MLST8: variants seen among roughly 807,000 people sequenced by gnomAD.
The protein encoded by MLST8 is target of rapamycin complex subunit LST8.
In MLST8, 20 loss-of-function variants were observed where a neutral mutation model predicts 41.3. The ratio of observed to expected loss-of-function variants is 0.48; its 90% CI spans 0.34 to 0.70. The LOEUF (loss-of-function observed/expected upper bound fraction) is 0.70, where lower values mean the gene tolerates loss of function less well. MLST8 is among the 30% of genes least tolerant of loss of function. The pLI is 0.01. For missense variants in MLST8, 422 were observed against 454.3 expected (o/e 0.93, Z 0.65); for synonymous variants, 243 against 183.0 (o/e 1.33, Z -2.65).
chr16:2,208,635 C>T (rs1567280755), intron 8 of MLST8, 22 bp downstream of exon 8: 2 of 1,611,796 alleles, frequency 1.2e-6, no homozygotes, highest in African/African-American at 2.7e-5. Context: ...CCTGGCCTCC[C>T]CCATCCCTGG....
intron 1 of MLST8, 38 bp from the exon 2 acceptor site, chr16:2,205,993 G>A: frequency 6.7e-7 from 1 of 1,503,584 alleles, no homozygotes; most frequent in Non-Finnish European, 8.9e-7. Context: ...ACTTAGCACA[G>A]AGAGTGTCTT....
At chr16:2,207,693 G>C in intron 6 of MLST8, 2 of 348,562 alleles carry the variant, frequency 5.7e-6, no homozygotes, top group South Asian at 6.9e-5. Flanking sequence ...CCCCTGACAC[G>C]TTCTCTCTTG....
intron 1 of MLST8, chr16:2,205,787 C>A (rs145402479): frequency 1.9e-6 from 2 of 1,067,812 alleles, no homozygotes; most frequent in African/African-American, 3.4e-5. Context: ...TGACTCCCCC[C>A]TGCCGGCTGC....
chr16:2,207,438 C>G, intron 6 of MLST8, 93 bp downstream of exon 6: 6 of 1,474,068 alleles, frequency 4.1e-6, no homozygotes, highest in Non-Finnish European at 1.8e-6. Flanking sequence ...CCCTTAGCGG[C>G]CCCCTCCTGC....
rs774795427 is a variant in MLST8 at position 2,206,507 on chromosome 16, C to T, written c.192C>T (p.His64=). The part of the protein sequence containing the change: ...RSMIAAAGYQ[H]IRMYDLNSNN... ...AGCCTGTGTCCCTAGGTTACCAGCA[C>T]ATCCGCATGTATGATCTCAACTCCA... The change falls in exon 4 of 9, where the codon CAC becomes CAT. Residue 64 remains histidine, a synonymous_variant. Coordinates refer to ENST00000569417, the MANE Select transcript of MLST8 (RefSeq NM_022372.6). 3 of 1,611,232 alleles carry T rather than the reference C, an allele frequency of 1.9e-6. No homozygotes were observed. Among genetic ancestry groups the T allele is most frequent in the South Asian group, 1.1e-5 (1 of 91,024 alleles).
chr16:2,208,959 C>T lies in MLST8; in HGVS notation c.*82C>T, dbSNP rs556320757. ...AGCACCCAGGTCAGAGCAGACCCTC[C>T]CCTGCCGGCCTGCGCCAGCTGGACC... On this transcript the variant is annotated 3_prime_UTR_variant, in exon 9 of 9. Coordinates refer to ENST00000569417, the MANE Select transcript of MLST8 (RefSeq NM_022372.6). The T allele has an allele frequency of 2.1e-5, 31 of 1,477,140 alleles. No homozygotes were observed. The South Asian group carries it at 2.5e-4, about 12-fold the overall frequency. 91.5% of individuals were successfully genotyped at this position (1,477,140 alleles called of 1,614,324 possible).
Position 2,208,516 on chromosome 16 carries a change from G to A in MLST8, c.765G>A (p.Met255Ile). ...GGAGGACGTCCAACTTCTCCCTGAT[G>A]ACGGAGCTGAGCATCAAGAGCGGCA... ...KIWRTSNFSLMTELSIKSGNP... is the reference protein window; with the variant it reads ...KIWRTSNFSLITELSIKSGNP... Residue 255 changes from methionine to isoleucine, a missense_variant, in exon 8 of 9, where the codon ATG becomes ATA. Met to Ile is a conservative substitution (Grantham distance 10, BLOSUM62 1). Coordinates refer to ENST00000569417, the MANE Select transcript of MLST8 (RefSeq NM_022372.6). 1 of 1,613,336 alleles carries A rather than the reference G, an allele frequency of 6.2e-7. No homozygotes were observed. Among genetic ancestry groups the A allele is most frequent in the South Asian group, 1.1e-5 (1 of 91,090 alleles).
Position 2,209,175 on chromosome 16 carries a change from A to T in MLST8, c.*298A>T, listed in dbSNP as rs1043358225. On this transcript the variant is annotated 3_prime_UTR_variant, in exon 9 of 9. Coordinates refer to ENST00000569417, the MANE Select transcript of MLST8 (RefSeq NM_022372.6). ...GCTGAGGGGTCTGAGGCTGGTGCCC[A>T]CCCCCAAGCTAGTGTGTTCTCTGCC... is the stretch of plus-strand genomic sequence containing the variant. The T allele has an allele frequency of 4.5e-6, 3 of 668,038 alleles. No homozygotes were observed. Among genetic ancestry groups the T allele is most frequent in the Non-Finnish European group, 7.5e-6 (3 of 397,642 alleles). The allele number at this position is 668,038 out of a possible 1,614,324, so 41.4% of individuals were successfully genotyped here.
Position 2,209,059 on chromosome 16 carries a change from G to A in MLST8, c.*182G>A, listed in dbSNP as rs544268933. 5.7e-6 allele frequency: 4 copies of A among 697,918 alleles called. No individual in the cohort carries two copies. The highest frequency in any genetic ancestry group is 4.1e-4 in the Middle Eastern group (1 of 2,466). 43.2% of individuals were successfully genotyped at this position (697,918 alleles called of 1,614,324 possible). On this transcript the variant is annotated 3_prime_UTR_variant, in exon 9 of 9. Coordinates refer to ENST00000569417, the MANE Select transcript of MLST8 (RefSeq NM_022372.6). The stretch of plus-strand genomic sequence containing the variant: ...CTCTCAGCCCCCAGTTGCTTATCCA[G>A]ATGTGACAGAGCTCGACCCAAGCCA...
rs26862 is a variant in MLST8 at position 2,207,104 on chromosome 16, C to A, written c.414C>A (p.Pro138=). Residue 138 remains proline, a synonymous_variant, in exon 5 of 9, where the codon CCC becomes CCA. Coordinates refer to ENST00000569417, the MANE Select transcript of MLST8 (RefSeq NM_022372.6). ...CCATTAACTGCGTGTGCCTGCACCC[C>A]AACCAGGTGAGGGGTGCTCATGGGG... ...NAPINCVCLH[P]NQAELIVGDQ... is the part of the protein sequence containing the mutation. 13 of 1,613,608 alleles carry A rather than the reference C, an allele frequency of 8.1e-6. No individual in the cohort carries two copies. Among genetic ancestry groups the A allele is most frequent in the Admixed American group, 5.0e-5 (3 of 59,990 alleles).
chr16:2,207,366 C>T (rs751870725), intron 6 of MLST8, 21 bp downstream of exon 6: 3 of 1,610,920 alleles, frequency 1.9e-6, no homozygotes, highest in Non-Finnish European at 2.5e-6. Context: ...GTGGCAGGTG[C>T]TGGGTGCGGG....
In MLST8 at chr16:2,208,316, G is replaced by A. The variant is rs750104118; in HGVS notation, c.680G>A (p.Arg227His). Residue 227 changes from arginine (R) to histidine (H), a missense_variant, in exon 7 of 9, where the codon CGC becomes CAC. By Grantham distance (29) the Arg-to-His change is conservative (BLOSUM62 0). Coordinates refer to ENST00000569417, the MANE Select transcript of MLST8 (RefSeq NM_022372.6). ...CACACGCGCTACGCCCTGCAGTGTC[G>A]CTTCAGCCCCGACTCCACGTGCGTG... ...PAHTRYALQC[R>H]FSPDSTLLAT... is the part of the protein sequence containing the mutation. 2.6e-5 allele frequency: 42 copies of A among 1,607,632 alleles called. No individual in the cohort carries two copies. The highest frequency in any genetic ancestry group is 3.3e-5 in the Non-Finnish European group (39 of 1,175,384).
chr16:2,208,913 G>A lies in MLST8; in HGVS notation c.*36G>A. The A allele has an allele frequency of 6.2e-7, 1 of 1,604,362 alleles. No homozygotes were observed. Reference sequence around the variant, plus strand: ...CTCGGGACTGCCTGGTGCAGGTGGTGGCAGCTGGAGGGACCCATGCAGCAC... The same window carrying A: ...CTCGGGACTGCCTGGTGCAGGTGGTAGCAGCTGGAGGGACCCATGCAGCAC... On this transcript the variant is annotated 3_prime_UTR_variant, in exon 9 of 9. Transcript: ENST00000569417.
Position 2,209,382 on chromosome 16 carries a change from A to G in MLST8, c.*505A>G, listed in dbSNP as rs747347986. On this transcript the variant is annotated 3_prime_UTR_variant, in exon 9 of 9. Transcript: ENST00000569417. ...GGGGCTCAGTCTGGGAGGTAATAAA[A>G]GCAGACCGACACGCAGATGTTGCTC... 1.9e-6 allele frequency: 3 copies of G among 1,613,388 alleles called. No homozygotes were observed. The highest frequency in any genetic ancestry group is 1.6e-4 in the Middle Eastern group (1 of 6,084).
chr16:2,205,787 C>G lies in MLST8; in HGVS notation c.-55-244C>G, dbSNP rs145402479. ...AGTGGCGCCCGCGCGTGACTCCCCCCTGCCGGCTGCGGAGGTGGGGGGGGG... is the reference window on the plus strand; with the variant it reads ...AGTGGCGCCCGCGCGTGACTCCCCCGTGCCGGCTGCGGAGGTGGGGGGGGG... On this transcript the variant is annotated intron_variant, in intron 1 of 8. Transcript: ENST00000569417. 9.4e-6 allele frequency: 10 copies of G among 1,067,812 alleles called. No individual in the cohort carries two copies. In the East Asian group the frequency reaches 5.8e-4, roughly 62 times the overall value. The allele number at this position is 1,067,812 out of a possible 1,614,324, so 66.1% of individuals were successfully genotyped here.
In MLST8 at chr16:2,208,359, G is replaced by C. The variant is rs201599862; in HGVS notation, c.698+25G>C. 5.6e-6 allele frequency: 9 copies of C among 1,605,006 alleles called. No individual in the cohort carries two copies. In the East Asian group the frequency reaches 1.6e-4, roughly 28 times the overall value. ...CGTGCGTGCAGGGCCTGCTGGCCCG[G>C]GAGGGGACCTGCCTGGGCTGGGGGC... On this transcript the variant is annotated intron_variant, in intron 7 of 8. Transcript: ENST00000569417.
Position 2,209,025 on chromosome 16 carries a change from G to C in MLST8, c.*148G>C. 1.2e-6 allele frequency: 1 copy of C among 848,414 alleles called. No homozygotes were observed. The highest frequency in any genetic ancestry group is 1.9e-6 in the Non-Finnish European group (1 of 531,428). The allele number at this position is 848,414 out of a possible 1,614,324, so 52.6% of individuals were successfully genotyped here. A position where few individuals can be genotyped will look rare whatever the true frequency, so the allele number is the denominator to read the frequency against. On this transcript the variant is annotated 3_prime_UTR_variant, in exon 9 of 9. Coordinates refer to ENST00000569417, the MANE Select transcript of MLST8 (RefSeq NM_022372.6). ...GCGCCTTGACCTGCTGGGCCAGGCTGCCCTGGGACTCTCAGCCCCCAGTTG... is the reference window on the plus strand; with the variant it reads ...GCGCCTTGACCTGCTGGGCCAGGCTCCCCTGGGACTCTCAGCCCCCAGTTG...
rs1443690586 is a variant in MLST8, at chr16:2,208,435, A to G, written c.699-15A>G. On this transcript the variant is annotated splice_polypyrimidine_tract_variant and intron_variant, in intron 7 of 8. Transcript: ENST00000569417. ...GAGTGGCTGCTGCTGGACACGCCCC[A>G]TGCCCACCCACTAGGCTCCTCGCCA... 3.1e-6 allele frequency: 5 copies of G among 1,611,714 alleles called. No individual in the cohort carries two copies. Among genetic ancestry groups the G allele is most frequent in the African/African-American group, 2.7e-5 (2 of 74,852 alleles).
chr16:2,207,995 AG>A, intron 6 of MLST8: 1 of 474,752 alleles, frequency 2.1e-6, no homozygotes, highest in Non-Finnish European at 3.7e-6. Context: ...GTCCTTGGCC[AG>A]GCGTGGCCTC....
Sources: gnomAD v4.1 joint callset for allele counts on GRCh38, gnomAD v4.1.1 for gene constraint, MANE v1.5 for transcripts, NCBI Gene and HGNC (gene_info 2026-07-23, HGNC 2026-07-21) for gene names.